WRN: variants seen among roughly 807,000 people sequenced by gnomAD.
The protein encoded by WRN is bifunctional 3'-5' exonuclease/ATP-dependent helicase WRN.
In WRN, 149 loss-of-function variants were observed where a neutral mutation model predicts 180.7. The ratio of observed to expected loss-of-function variants is 0.82; its 90% CI spans 0.72 to 0.94. The LOEUF (loss-of-function observed/expected upper bound fraction) is 0.94, where lower values mean the gene tolerates loss of function less well. Ranked by LOEUF, WRN falls within the 40% of genes least tolerant of loss-of-function variation. The pLI is 0.00. For missense variants in WRN, 1,661 were observed against 1,700.1 expected (o/e 0.98, Z 0.40); for synonymous variants, 548 against 568.9 (o/e 0.96, Z 0.52).
intron 33 of WRN, among the ~76,000 whole-genome samples, chr8:31,161,961 A>T (rs1422470716): frequency 1.3e-5 from 2 of 151,942 alleles, no homozygotes; most frequent in Non-Finnish European, 2.9e-5. Context: ...GAATGTGAAG[A>T]CCTAGGACTG....
chr8:31,092,515 A>C (rs1360683513), intron 16 of WRN, among the ~76,000 whole-genome samples: 1 of 151,856 alleles, frequency 6.6e-6, no homozygotes, highest in Non-Finnish European at 1.5e-5. Flanking sequence ...ACACACACAT[A>C]TATTAATATA....
At chr8:31,087,952 C>G in intron 12 of WRN, 32 bp downstream of exon 12, 1 of 1,603,286 alleles carries the variant, frequency 6.2e-7, no homozygotes. Context: ...AAATGACTCA[C>G]CTGTGATACC....
chr8:31,114,982 G>C (rs1176450038), intron 19 of WRN, among the ~76,000 whole-genome samples: 1 of 147,596 alleles, frequency 6.8e-6, no homozygotes, highest in Non-Finnish European at 1.5e-5. Context: ...TGCAGCCTCT[G>C]CCTCCTGGGT....
At chr8:31,129,890 A>G (rs1158485668) in intron 23 of WRN, among the ~76,000 whole-genome samples, 1 of 151,906 alleles carries the variant, frequency 6.6e-6, no homozygotes, top group Non-Finnish European at 1.5e-5. Context: ...CTGTAGTCCC[A>G]GCTACTTGGG....
chr8:31,049,376 A>C (rs368478159), intron 1 of WRN, among the ~76,000 whole-genome samples: 1 of 151,078 alleles, frequency 6.6e-6, no homozygotes, highest in African/African-American at 2.4e-5. Context: ...TACAAAAAAT[A>C]CAAAAATTAG....
intron 6 of WRN, among the ~76,000 whole-genome samples, chr8:31,067,944 T>A (rs1432463766): frequency 6.6e-6 from 1 of 152,216 alleles, no homozygotes; most frequent in East Asian, 1.9e-4. Context: ...CATTCTCAGC[T>A]GATTTAAGTA....
intron 5 of WRN, among the ~76,000 whole-genome samples, 175 bp from the exon 6 acceptor site, chr8:31,066,858 C>A (rs192972736): frequency 6.6e-6 from 1 of 152,198 alleles, no homozygotes; most frequent in Non-Finnish European, 1.5e-5. Flanking sequence ...TAAATTCTTA[C>A]AATGTGGACT....
rs1373932201 is a variant in WRN at position 31,064,948 on chromosome 8, A to G, written c.389A>G (p.Asn130Ser). The G allele has an allele frequency of 1.2e-6, 2 of 1,613,624 alleles. No homozygotes were observed. The highest frequency in any genetic ancestry group is 1.7e-6 in the Non-Finnish European group (2 of 1,179,788). The change falls in exon 5 of 35, where the codon AAT becomes AGT. Residue 130 changes from asparagine to serine, a missense_variant. This residue lies in a region of WRN where 500 missense variants were observed against 504.1 expected (regional missense o/e 0.99). Transcript: ENST00000298139. The part of the protein sequence containing the change: ...FPQGLKMLLE[N>S]KAVKKAGVGI... ...CAGGGATTAAAAATGTTGCTTGAAA[A>G]TAAAGCAGTTAAAAAGGCAGGTGTA...
At chr8:31,136,899 A>G (rs1190339363) in intron 24 of WRN, among the ~76,000 whole-genome samples, 2 of 152,134 alleles carry the variant, frequency 1.3e-5, no homozygotes, top group Admixed American at 6.5e-5. Flanking sequence ...TATGTTCTGT[A>G]TAGCAGCTTT....
intron 21 of WRN, among the ~76,000 whole-genome samples, chr8:31,122,883 T>TTC (rs1480088512): frequency 4.9e-5 from 7 of 143,616 alleles, no homozygotes; most frequent in Non-Finnish European, 1.1e-4. Context: ...TTTTTTTTTT[T>TTC]TTCTATAGGA....
At chr8:31,108,848 C>T (rs1165951914) in intron 18 of WRN, among the ~76,000 whole-genome samples, 1 of 152,074 alleles carries the variant, frequency 6.6e-6, no homozygotes, top group Non-Finnish European at 1.5e-5. Flanking sequence ...AAAGGAGATG[C>T]CTGAGGGTCA....
chr8:31,050,248 A>C (rs2129962536), intron 1 of WRN, among the ~76,000 whole-genome samples: 1 of 152,282 alleles, frequency 6.6e-6, no homozygotes, highest in South Asian at 2.1e-4. Context: ...GTTAGATACA[A>C]AGCTGTGTTA....
At chr8:31,161,838 CA>C (rs1157979302) in intron 33 of WRN, among the ~76,000 whole-genome samples, 6,905 of 97,616 alleles carry the variant, frequency 0.071, 172 homozygotes, top group Non-Finnish European at 0.079. Flanking sequence ...GACTCTGTCT[CA>C]AAAAAAAAAA....
intron 23 of WRN, among the ~76,000 whole-genome samples, chr8:31,125,237 T>C (rs1801874187): frequency 6.6e-6 from 1 of 151,712 alleles, no homozygotes; most frequent in African/African-American, 2.4e-5. Flanking sequence ...GTAAATGATC[T>C]AAAATATTAT....
At chr8:31,169,424 T>C (rs1257995944) in intron 34 of WRN, among the ~76,000 whole-genome samples, 1 of 152,064 alleles carries the variant, frequency 6.6e-6, no homozygotes, top group Admixed American at 6.5e-5. Context: ...TTTCTGATTC[T>C]TTCTTCGGTT....
chr8:31,095,791 C>T (rs192712585), intron 16 of WRN, among the ~76,000 whole-genome samples: 1 of 152,176 alleles, frequency 6.6e-6, no homozygotes, highest in Non-Finnish European at 1.5e-5. Context: ...TTATAATAAA[C>T]CTGGAAATCA....
chr8:31,106,273 T>G (rs1386648981), intron 18 of WRN, among the ~76,000 whole-genome samples: 1 of 151,980 alleles, frequency 6.6e-6, no homozygotes, highest in Admixed American at 6.6e-5. Context: ...CTGCTTTCAC[T>G]CTTCCCATCC....
intron 31 of WRN, 152 bp downstream of exon 31, chr8:31,150,607 C>G: frequency 1.4e-6 from 1 of 706,272 alleles, no homozygotes; most frequent in Non-Finnish European, 2.4e-6. Context: ...TACAGTCAAT[C>G]TGTTGTAAAA....
chr8:31,046,064 A>T (rs970373015), intron 1 of WRN, among the ~76,000 whole-genome samples: 2 of 152,090 alleles, frequency 1.3e-5, no homozygotes, highest in Non-Finnish European at 1.5e-5. Flanking sequence ...TTTTGCTGTT[A>T]CTGATTTTGG....
Sources: allele counts gnomAD v4.1 joint callset (sites outside exome capture counted in the v4.1 genomes callset), GRCh38; gene constraint gnomAD v4.1.1; regional missense constraint gnomAD v4.1.1; transcripts MANE v1.5; gene names NCBI Gene and HGNC (gene_info 2026-07-23, HGNC 2026-07-21).